The following ANXA8 variants were observed in gnomAD, a reference collection of about 807,000 sequenced individuals.
ANXA8 encodes VAC-beta.
A neutral mutation model predicts 26.8 loss-of-function variants in ANXA8; 9 were observed. The ratio of observed to expected loss-of-function variants is 0.34; its 90% CI spans 0.20 to 0.59. The LOEUF (loss-of-function observed/expected upper bound fraction) is 0.59. ANXA8 is among the 20% of genes least tolerant of loss of function. ANXA8 has a pLI of 0.84. For synonymous variants in ANXA8, 39 were observed against 94.8 expected, an observed-to-expected ratio of 0.41 and a Z score of 3.42; for missense variants, 83 against 238.5, an observed-to-expected ratio of 0.35 and a Z score of 4.29.
the ANXA8 span, chr10:47,922,460 TG>T: frequency 1.4e-6 from 1 of 728,002 alleles, no homozygotes; most frequent in Non-Finnish European, 2.2e-6. Context: ...CAGGCCTACC[TG>T]GGGATTGTGC....
the ANXA8 span, among the ~76,000 whole-genome samples, chr10:47,585,566 G>A: frequency 6.9e-6 from 1 of 145,884 alleles, no homozygotes; most frequent in South Asian, 2.2e-4. Context: ...AAGACAGGAA[G>A]GCAGCACCTG....
At chr10:47,907,325 T>C in the ANXA8 span, among the ~76,000 whole-genome samples, 1 of 151,812 alleles carries the variant, frequency 6.6e-6, no homozygotes, top group Non-Finnish European at 1.5e-5. Flanking sequence ...CCACTGCACT[T>C]CAGCCTGGGC....
the ANXA8 span, among the ~76,000 whole-genome samples, chr10:47,681,216 G>A: frequency 2.6e-5 from 4 of 151,804 alleles, no homozygotes; most frequent in Admixed American, 6.6e-5. Flanking sequence ...GATTTGATGA[G>A]AAATTGGAAG....
At chr10:47,695,843 C>T in the ANXA8 span, among the ~76,000 whole-genome samples, 10 of 151,826 alleles carry the variant, frequency 6.6e-5, no homozygotes, top group Non-Finnish European at 8.8e-5. Flanking sequence ...ACTCTATCCG[C>T]CTTAGATATA....
chr10:47,510,190 G>A, the ANXA8 span: 57 of 1,398,992 alleles, frequency 4.1e-5, 7 homozygotes, highest in Admixed American at 3.1e-4. Context: ...GTCATTGTAA[G>A]ATAATGCTGG....
chr10:47,694,709 G>A, the ANXA8 span, among the ~76,000 whole-genome samples: 5 of 151,912 alleles, frequency 3.3e-5, no homozygotes, highest in Admixed American at 1.3e-4. Flanking sequence ...GCGAGCCACC[G>A]CGCCCGGCCC....
chr10:47,953,820 T>A, the ANXA8 span, among the ~76,000 whole-genome samples: 3 of 150,866 alleles, frequency 2.0e-5, no homozygotes, highest in Admixed American at 6.6e-5. Flanking sequence ...GTCAGAGATA[T>A]GCAAATCAAA....
chr10:47,974,110 T>C, the ANXA8 span, among the ~76,000 whole-genome samples: 1 of 151,016 alleles, frequency 6.6e-6, no homozygotes, highest in Non-Finnish European at 1.5e-5. Flanking sequence ...CATGTATCAG[T>C]ATGCCATACT....
chr10:47,947,987 TC>T, the ANXA8 span, among the ~76,000 whole-genome samples: 1 of 150,896 alleles, frequency 6.6e-6, no homozygotes, highest in African/African-American at 2.5e-5. Context: ...GAGTGGAGCG[TC>T]CTTGTAGAAA....
the ANXA8 span, chr10:47,491,735 G>C: frequency 1.3e-6 from 2 of 1,545,900 alleles, no homozygotes; most frequent in Admixed American, 2.0e-5. Context: ...TGCTTTTATA[G>C]CTGCCTCTGG....
At chr10:47,561,277 T>TTTG in the ANXA8 span, among the ~76,000 whole-genome samples, 2 of 151,542 alleles carry the variant, frequency 1.3e-5, no homozygotes, top group South Asian at 4.2e-4. Flanking sequence ...TGCAGTACTT[T>TTTG]TTGTTGTTGT....
the ANXA8 span, among the ~76,000 whole-genome samples, chr10:47,944,828 G>A: frequency 6.7e-6 from 1 of 148,898 alleles, no homozygotes; most frequent in Non-Finnish European, 1.5e-5. Context: ...GTGTGAGAAT[G>A]AGCTAATACA....
At chr10:47,579,749 C>A in the ANXA8 span, among the ~76,000 whole-genome samples, 1 of 65,814 alleles carries the variant, frequency 1.5e-5, no homozygotes, top group Non-Finnish European at 3.9e-5. Context: ...CAAATAGTAA[C>A]CAAAAGAGAG....
intron 1 of ANXA8, 109 bp downstream of exon 1, chr10:47,483,804 T>C (rs1839944000): frequency 6.0e-5 from 97 of 1,609,676 alleles, no homozygotes; most frequent in Non-Finnish European, 4.2e-6. Context: ...CAGCCAAATG[T>C]AGACTGAGCC....
the ANXA8 span, among the ~76,000 whole-genome samples, chr10:47,496,968 A>ATCTCC: frequency 2.1e-5 from 3 of 143,580 alleles, no homozygotes; most frequent in Admixed American, 7.0e-5. Context: ...TCATAGGGGG[A>ATCTCC]AAGATCTTAG....
At chr10:47,630,963 A>G in the ANXA8 span, among the ~76,000 whole-genome samples, 3 of 149,964 alleles carry the variant, frequency 2.0e-5, no homozygotes, top group Non-Finnish European at 4.4e-5. Flanking sequence ...ACAAAATTAT[A>G]TATGTACCTA....
chr10:47,487,688 T>C (rs1840071931), upstream of ANXA8, among the ~76,000 whole-genome samples: 1 of 148,802 alleles, frequency 6.7e-6, no homozygotes, highest in Non-Finnish European at 1.5e-5. Flanking sequence ...TGACCATTTT[T>C]ATATTGGGTT....
At chr10:47,655,572 G>A in the ANXA8 span, among the ~76,000 whole-genome samples, 10 of 151,580 alleles carry the variant, frequency 6.6e-5, no homozygotes, top group African/African-American at 9.8e-5. Flanking sequence ...ACATGAAGTG[G>A]TTGGTGTTCA....
upstream of ANXA8, chr10:47,484,169 G>T (rs1407049323): frequency 1.9e-5 from 17 of 907,238 alleles, no homozygotes; most frequent in African/African-American, 2.8e-4. Flanking sequence ...ACACTGCCCA[G>T]GCCTGCTCTG....
Sources: gnomAD v4.1 joint callset for allele counts (sites outside exome capture counted in the v4.1 genomes callset) on GRCh38, gnomAD v4.1.1 for gene constraint, MANE v1.5 for transcripts, NCBI Gene and HGNC (gene_info 2026-07-23, HGNC 2026-07-21) for gene names.